The following DST variants were observed in gnomAD, a reference collection of about 807,000 sequenced individuals.
DST encodes the protein bullous pemphigoid antigen.
A neutral mutation model predicts 875.2 loss-of-function variants in DST; 253 were observed. The observed-to-expected ratio is 0.29, with a 90% CI of 0.26 to 0.32. The LOEUF is 0.32. Among genes scored for constraint, DST ranks in the 10% least tolerant of loss-of-function variants. DST has a pLI of 1.00. For missense variants in DST, 8,287 were observed against 9,111.6 expected (o/e 0.91, Z 3.68); for synonymous variants, 3,124 against 3,197.1 (o/e 0.98, Z 0.77).
intron 2 of DST, among the ~76,000 whole-genome samples, chr6:56,923,884 G>A (rs1805590299): frequency 6.6e-6 from 1 of 152,180 alleles, no homozygotes; most frequent in Non-Finnish European, 1.5e-5. Context: ...AACACTTTGG[G>A]AGGCTGAGGC....
intron 4 of DST, among the ~76,000 whole-genome samples, chr6:56,759,057 G>A (rs1214891335): frequency 2.0e-5 from 3 of 152,206 alleles, no homozygotes; most frequent in African/African-American, 7.2e-5. Context: ...CCCACCTCTC[G>A]ACTGCTACAT....
At chr6:56,929,949 T>C (rs1426617833) in intron 2 of DST, among the ~76,000 whole-genome samples, 3 of 152,208 alleles carry the variant, frequency 2.0e-5, no homozygotes, top group East Asian at 3.8e-4. Flanking sequence ...ATAAAGGAAA[T>C]GAAAAGAGAA....
chr6:56,466,997 C>T (rs1325759880), intron 98 of DST: 1 of 152,172 alleles, frequency 6.6e-6, no homozygotes, highest in Non-Finnish European at 1.5e-5. Context: ...GCTACAAATT[C>T]TGCAAGTCCT....
At chr6:56,704,147 C>A in intron 6 of DST, 133 bp downstream of exon 6, 3 of 475,382 alleles carry the variant, frequency 6.3e-6, no homozygotes, top group Admixed American at 4.3e-5. Context: ...ACCAAAACTT[C>A]TTTTTCAGGC....
At chr6:56,888,178 G>C (rs947972756) in intron 3 of DST, among the ~76,000 whole-genome samples, 1 of 151,878 alleles carries the variant, frequency 6.6e-6, no homozygotes, top group Non-Finnish European at 1.5e-5. Flanking sequence ...TCAATCTCTT[G>C]ACCTCGTGAT....
At chr6:56,802,991 C>A (rs894157647) in intron 4 of DST, among the ~76,000 whole-genome samples, 2 of 152,072 alleles carry the variant, frequency 1.3e-5, no homozygotes, top group Non-Finnish European at 2.9e-5. Context: ...ACAAATAATC[C>A]AAAATACTGT....
chr6:56,771,084 T>A (rs2099659277), intron 4 of DST, among the ~76,000 whole-genome samples: 1 of 151,926 alleles, frequency 6.6e-6, no homozygotes, highest in African/African-American at 2.4e-5. Flanking sequence ...AAGCTCTATT[T>A]ATAAACATAT....
rs1168345155 is a variant in DST at position 56,605,230 on chromosome 6, T to A, written c.9398A>T (p.Gln3133Leu). Residue 3133 changes from glutamine (Q) to leucine (L), a missense_variant, in exon 40 of 104, where the codon CAG becomes CTG. Coordinates refer to ENST00000680361, the MANE Select transcript of DST (RefSeq NM_001374736.1). ...AAAAATTTCTTCAAGATTCTCAAACTGAACAGGACTTTTACTAACTATTAT... is the reference window on the plus strand; with the variant it reads ...AAAAATTTCTTCAAGATTCTCAAACAGAACAGGACTTTTACTAACTATTAT... ...LQIIVSKSPV[Q>L]FENLEEIFDT... The A allele has an allele frequency of 1.2e-6, 2 of 1,611,304 alleles. No homozygotes were observed. Among genetic ancestry groups the A allele is most frequent in the African/African-American group, 2.7e-5 (2 of 74,862 alleles).
intron 36 of DST, chr6:56,616,483 A>C: frequency 6.2e-7 from 1 of 1,614,112 alleles, no homozygotes; most frequent in Non-Finnish European, 8.5e-7. Context: ...TGAGATTGGA[A>C]ATGTTCCTCT....
rs765752435 is a variant in DST at position 56,618,068 on chromosome 6, G to T, written c.4930-3584C>A. The T allele has an allele frequency of 4.3e-6, 7 of 1,614,100 alleles. No individual in the cohort carries two copies. The highest frequency in any genetic ancestry group is 5.9e-6 in the Non-Finnish European group (7 of 1,180,006). On this transcript the variant is annotated intron_variant, in intron 36 of 103. Coordinates refer to ENST00000680361, the MANE Select transcript of DST (RefSeq NM_001374736.1). ...AACAGGTGGTCTAGAATTGTTCAGG[G>T]CTTGGTCTCTTATCTTCTCAATTTC...
At chr6:56,824,565 G>C (rs2099777217) in intron 4 of DST, among the ~76,000 whole-genome samples, 1 of 151,702 alleles carries the variant, frequency 6.6e-6, no homozygotes, top group African/African-American at 2.4e-5. Context: ...AATGAGGAGC[G>C]TCTCTGCCCG....
chr6:56,766,447 A>G (rs749613859), intron 4 of DST, among the ~76,000 whole-genome samples: 5 of 152,062 alleles, frequency 3.3e-5, no homozygotes, highest in Non-Finnish European at 7.3e-5. Context: ...TTGTTTGGGA[A>G]GATAGCACTG....
intron 61 of DST, among the ~76,000 whole-genome samples, chr6:56,551,039 A>G (rs756021213): frequency 1.3e-5 from 2 of 152,234 alleles, no homozygotes; most frequent in Non-Finnish European, 2.9e-5. Flanking sequence ...AACTAAATAC[A>G]GAATCACAGC....
chr6:56,666,969 G>C (rs2099075329), intron 10 of DST, among the ~76,000 whole-genome samples: 1 of 150,894 alleles, frequency 6.6e-6, no homozygotes, highest in Non-Finnish European at 1.5e-5. Flanking sequence ...GGTCACAATA[G>C]GCAGAGTCAA....
chr6:56,944,355 C>CAAA (rs71303767), intron 2 of DST, among the ~76,000 whole-genome samples: 1 of 146,042 alleles, frequency 6.8e-6, no homozygotes, highest in African/African-American at 2.5e-5. Context: ...CTCACAATAA[C>CAAA]AAAAAAAAAA....
In DST at chr6:56,536,716, G is replaced by T. The variant is rs1023320006; in HGVS notation, c.16770+63C>A. ...TTGGCTACCACAAATATGATTCATG[G>T]TCACCACAAATGCTCATGAATAATA... On this transcript the variant is annotated intron_variant, in intron 62 of 103. Transcript: ENST00000680361. The T allele has an allele frequency of 4.2e-5, 59 of 1,406,436 alleles. No individual in the cohort carries two copies. In the Middle Eastern group the frequency reaches 7.4e-4, roughly 18 times the overall value. The allele number at this position is 1,406,436 out of a possible 1,614,324, so 87.1% of individuals were successfully genotyped here.
chr6:56,712,090 C>CAAAAAAAAAA (rs34769867), intron 5 of DST, among the ~76,000 whole-genome samples: 9 of 76,554 alleles, frequency 1.2e-4, no homozygotes, highest in Admixed American at 3.0e-4. Flanking sequence ...GACTCCGTCT[C>CAAAAAAAAAA]AAAAAAAAAA....
intron 10 of DST, among the ~76,000 whole-genome samples, chr6:56,663,231 T>C (rs2099054468): frequency 6.6e-6 from 1 of 152,230 alleles, no homozygotes; most frequent in Non-Finnish European, 1.5e-5. Context: ...TTATAAGCAG[T>C]GTACATTAAC....
intron 59 of DST, among the ~76,000 whole-genome samples, chr6:56,556,376 T>C (rs566969560): frequency 1.7e-4 from 26 of 152,292 alleles, no homozygotes; most frequent in Admixed American, 1.0e-3. Flanking sequence ...TCAGAATGTA[T>C]AGGCTCAACT....
Sources: allele counts gnomAD v4.1 joint callset (sites outside exome capture counted in the v4.1 genomes callset), GRCh38; gene constraint gnomAD v4.1.1; transcripts MANE v1.5; gene names NCBI Gene and HGNC (gene_info 2026-07-23, HGNC 2026-07-21).